The following CLVS1 variants were observed in gnomAD, a reference collection of about 807,000 sequenced individuals.
The protein encoded by CLVS1 is clavesin-1.
Under a neutral mutation model 33.1 loss-of-function variants are expected in CLVS1, and 10 were observed. The ratio of observed to expected loss-of-function variants is 0.30; its 90% CI spans 0.19 to 0.51. The LOEUF (loss-of-function observed/expected upper bound fraction) is 0.51. CLVS1 is among the 20% of genes least tolerant of loss of function. The pLI, the probability that CLVS1 is intolerant of heterozygous loss-of-function variation, is 0.97. For missense variants in CLVS1, 343 were observed against 433.4 expected, an observed-to-expected ratio of 0.79 and a Z score of 1.85; for synonymous variants, 163 against 166.1, an observed-to-expected ratio of 0.98 and a Z score of 0.14.
At chr8:61,226,992 T>G (rs897159107) in intron 2 of CLVS1, among the ~76,000 whole-genome samples, 14 of 151,588 alleles carry the variant, frequency 9.2e-5, no homozygotes, top group African/African-American at 2.9e-4. Flanking sequence ...TTTTTTTTTT[T>G]TTTTTGTTCA....
At chr8:61,181,185 C>A (rs1807221999) in intron 2 of CLVS1, among the ~76,000 whole-genome samples, 1 of 151,962 alleles carries the variant, frequency 6.6e-6, no homozygotes, top group African/African-American at 2.4e-5. Context: ...TCCTATACAC[C>A]AACAATAGAC....
chr8:61,334,714 G>C (rs976093095), intron 2 of CLVS1, among the ~76,000 whole-genome samples: 6 of 152,154 alleles, frequency 3.9e-5, no homozygotes, highest in African/African-American at 1.4e-4. Context: ...TGAGGGGAGG[G>C]GTGGGCAGCT....
chr8:61,050,110 C>A, the CLVS1 span, among the ~76,000 whole-genome samples: 5 of 152,190 alleles, frequency 3.3e-5, no homozygotes, highest in African/African-American at 1.2e-4. Context: ...ATTTAAGCAC[C>A]CTTTTACAGC....
chr8:61,007,862 C>T, the CLVS1 span, among the ~76,000 whole-genome samples: 3 of 152,084 alleles, frequency 2.0e-5, no homozygotes, highest in African/African-American at 4.8e-5. Context: ...GCCATGCGCT[C>T]GGAACAGGTG....
chr8:61,105,228 T>C (rs57209625), intron 1 of CLVS1, among the ~76,000 whole-genome samples: 29,907 of 152,100 alleles, frequency 0.2, 3,123 homozygotes, highest in Admixed American at 0.31. Flanking sequence ...AGAAAAAGAG[T>C]GAATTGAATT....
intron 2 of CLVS1, 60 bp from the exon 3 acceptor site, chr8:61,376,545 C>G: frequency 2.2e-5 from 33 of 1,520,546 alleles, no homozygotes; most frequent in Non-Finnish European, 2.9e-5. Context: ...CACTGTTGCA[C>G]GCAACATGCT....
the CLVS1 span, among the ~76,000 whole-genome samples, chr8:61,014,545 C>A: frequency 6.6e-6 from 1 of 152,208 alleles, no homozygotes; most frequent in Non-Finnish European, 1.5e-5. Flanking sequence ...AGTCAAGCAA[C>A]AACATGCACT....
At chr8:61,013,469 C>T in the CLVS1 span, among the ~76,000 whole-genome samples, 1 of 152,198 alleles carries the variant, frequency 6.6e-6, no homozygotes, top group African/African-American at 2.4e-5. Context: ...CCCTCTCATG[C>T]TCTCTTTCTC....
At chr8:61,288,761 A>G (rs1809869377) in intron 1 of CLVS1, among the ~76,000 whole-genome samples, 1 of 152,230 alleles carries the variant, frequency 6.6e-6, no homozygotes, top group African/African-American at 2.4e-5. Flanking sequence ...CCAATGGAGA[A>G]TCACCAGGAA....
chr8:61,183,542 G>A (rs1807282462), intron 2 of CLVS1, among the ~76,000 whole-genome samples: 1 of 152,036 alleles, frequency 6.6e-6, no homozygotes, highest in Non-Finnish European at 1.5e-5. Context: ...AATAAATGGT[G>A]TTGTTACACG....
At chr8:61,024,699 T>TC in the CLVS1 span, among the ~76,000 whole-genome samples, 2 of 152,178 alleles carry the variant, frequency 1.3e-5, no homozygotes, top group African/African-American at 4.8e-5. Context: ...TTTTTTGCTT[T>TC]CCCAGGAGGA....
At chr8:61,100,526 A>G (rs1474461931) in intron 1 of CLVS1, among the ~76,000 whole-genome samples, 1 of 152,204 alleles carries the variant, frequency 6.6e-6, no homozygotes, top group Admixed American at 6.5e-5. Flanking sequence ...ACTTTTAAAA[A>G]TTGTTCTTCC....
intron 5 of CLVS1, among the ~76,000 whole-genome samples, chr8:61,497,262 C>T (rs1444691738): frequency 6.6e-6 from 1 of 152,152 alleles, no homozygotes; most frequent in African/African-American, 2.4e-5. Flanking sequence ...AGATTGCAAT[C>T]AGGAATGGAA....
intron 2 of CLVS1, among the ~76,000 whole-genome samples, chr8:61,230,083 T>C (rs751293555): frequency 1.3e-5 from 2 of 152,148 alleles, no homozygotes; most frequent in Admixed American, 6.6e-5. Context: ...GTGAGGGGCC[T>C]CAGGGTCGGG....
intron 2 of CLVS1, among the ~76,000 whole-genome samples, chr8:61,309,035 CCAA>C (rs1398217050): frequency 6.6e-6 from 1 of 152,168 alleles, no homozygotes; most frequent in African/African-American, 2.4e-5. Context: ...CCTCTCCCAG[CCAA>C]GAGGTAGAGG....
chr8:61,150,683 G>T (rs1806512877), intron 2 of CLVS1, among the ~76,000 whole-genome samples: 1 of 152,190 alleles, frequency 6.6e-6, no homozygotes, highest in South Asian at 2.1e-4. Flanking sequence ...GTGTGCATGT[G>T]TGTTCCTTGC....
chr8:60,987,198 A>G, the CLVS1 span, among the ~76,000 whole-genome samples: 1 of 152,230 alleles, frequency 6.6e-6, no homozygotes, highest in Admixed American at 6.5e-5. Flanking sequence ...GGGGAGCCAC[A>G]TACCCAGCTT....
intron 3 of CLVS1, among the ~76,000 whole-genome samples, chr8:61,392,440 T>C (rs957584232): frequency 1.3e-5 from 2 of 152,208 alleles, no homozygotes; most frequent in Admixed American, 6.5e-5. Flanking sequence ...TTTTCTCTGA[T>C]TACAAATCAA....
intron 1 of CLVS1, among the ~76,000 whole-genome samples, chr8:61,079,784 A>T (rs553994938): frequency 8.2e-6 from 1 of 122,152 alleles, no homozygotes; most frequent in Admixed American, 8.2e-5. Flanking sequence ...GCAAAAAGCC[A>T]TTAGGAAAAA....
Sources: allele counts gnomAD v4.1 joint callset (sites outside exome capture counted in the v4.1 genomes callset), GRCh38; gene constraint gnomAD v4.1.1; transcripts MANE v1.5; gene names NCBI Gene and HGNC (gene_info 2026-07-23, HGNC 2026-07-21).